CRK: variants seen among roughly 807,000 people sequenced by gnomAD.
The protein encoded by CRK is adapter molecule crk.
Under a neutral mutation model 29.8 loss-of-function variants are expected in CRK, and 4 were observed. That is an observed-to-expected ratio of 0.13 (90% CI 0.07 to 0.31). The LOEUF (loss-of-function observed/expected upper bound fraction) is 0.31, where lower values mean the gene tolerates loss of function less well. Among genes scored for constraint, CRK ranks in the 10% least tolerant of loss-of-function variants. CRK has a pLI of 1.00. For missense variants in CRK, 274 were observed against 396.5 expected, an observed-to-expected ratio of 0.69 and a Z score of 2.62; for synonymous variants, 153 against 164.9, an observed-to-expected ratio of 0.93 and a Z score of 0.55.
intron 1 of CRK, among the ~76,000 whole-genome samples, chr17:1,445,233 G>T (rs1240391424): frequency 6.6e-6 from 1 of 152,116 alleles, no homozygotes; most frequent in African/African-American, 2.4e-5. Context: ...CCTTCCGGTA[G>T]AAAGAGTACT....
chr17:1,440,475 AAAAT>A (rs1480953141), intron 1 of CRK, among the ~76,000 whole-genome samples: 3 of 151,980 alleles, frequency 2.0e-5, no homozygotes, highest in African/African-American at 7.2e-5. Context: ...AAAAAAAGAA[AAAAT>A]AAATGTTTGA....
At chr17:1,455,779 A>G in intron 1 of CRK, 98 bp downstream of exon 1, 1 of 1,368,048 alleles carries the variant, frequency 7.3e-7, no homozygotes, top group Non-Finnish European at 9.4e-7. Context: ...CCCTCTGCCC[A>G]CGACCCCCGA....
rs759362472 is a variant in CRK at position 1,436,719 on chromosome 17, G to T, written c.678C>A (p.Val226=). The T allele has an allele frequency of 6.2e-7, 1 of 1,608,750 alleles. No individual in the cohort carries two copies. ...TCTGGAGGTTAGGGAGCGGAGTGTTGACGCTGGGTTGGGCATAGGGCCCAG... is the reference window on the plus strand; with the variant it reads ...TCTGGAGGTTAGGGAGCGGAGTGTTTACGCTGGGTTGGGCATAGGGCCCAG... ...PEPGPYAQPS[V]NTPLPNLQNG... is the part of the protein sequence containing the mutation. Residue 226 remains valine (V), a synonymous_variant, in exon 2 of 3, where the codon GTC becomes GTA. Transcript: ENST00000300574.
At chr17:1,453,454 C>T (rs1466131421) in intron 1 of CRK, among the ~76,000 whole-genome samples, 1 of 152,062 alleles carries the variant, frequency 6.6e-6, no homozygotes, top group Non-Finnish European at 1.5e-5. Flanking sequence ...AATGCAAAAC[C>T]CCAGATACTA....
chr17:1,445,538 G>A (rs549010628), intron 1 of CRK, among the ~76,000 whole-genome samples: 4 of 152,318 alleles, frequency 2.6e-5, no homozygotes, highest in African/African-American at 7.2e-5. Flanking sequence ...AGCAGAGCAC[G>A]GAGGTGCTAT....
intron 2 of CRK, among the ~76,000 whole-genome samples, chr17:1,428,724 A>G (rs575426428): frequency 2.7e-4 from 41 of 150,640 alleles, no homozygotes; most frequent in Non-Finnish European, 4.1e-4. Context: ...GGGTTTCACC[A>G]TATTGGCCAG....
At chr17:1,455,070 A>C (rs2074045606) in intron 1 of CRK, among the ~76,000 whole-genome samples, 1 of 152,190 alleles carries the variant, frequency 6.6e-6, no homozygotes, top group Non-Finnish European at 1.5e-5. Context: ...ACTTACAGGG[A>C]AGGGTCTGTT....
At chr17:1,441,902 C>A (rs994187088) in intron 1 of CRK, among the ~76,000 whole-genome samples, 8 of 152,148 alleles carry the variant, frequency 5.3e-5, no homozygotes, top group Admixed American at 4.6e-4. Flanking sequence ...GTGGCCCAGG[C>A]TGGAGTGCAG....
intron 1 of CRK, among the ~76,000 whole-genome samples, chr17:1,452,797 GAAAAAAA>G (rs1301389169): frequency 1.0e-5 from 1 of 98,062 alleles, no homozygotes; most frequent in East Asian, 3.1e-4. Flanking sequence ...GTCTCAAAAA[GAAAAAAA>G]AAAAAAAAGA....
At chr17:1,456,232 T>TGGC (rs1245346613), upstream of CRK, 39 of 1,277,714 alleles carry the variant, frequency 3.1e-5, no homozygotes, top group Non-Finnish European at 2.0e-5. Flanking sequence ...GCGCCCGAAA[T>TGGC]GGCGGCGGCA....
At chr17:1,450,294 G>T (rs573510933) in intron 1 of CRK, among the ~76,000 whole-genome samples, 2 of 152,098 alleles carry the variant, frequency 1.3e-5, no homozygotes, top group Admixed American at 1.3e-4. Context: ...GGATCACGAG[G>T]TCAGGAGCTC....
At position 1,425,568 on chromosome 17, in the gene CRK, G is replaced by A. The variant is rs183707192; in HGVS notation, c.778-1918C>T. ...CGCCACCATGCCCAGCTAATTACAG[G>A]CATGAGCCTCCACACCATTTATGCA... On this transcript the variant is annotated intron_variant, in intron 2 of 2. Coordinates refer to ENST00000300574, the MANE Select transcript of CRK (RefSeq NM_016823.4). 3.9e-5 allele frequency among the ~76,000 whole-genome samples: 6 copies of A among 152,252 alleles called. No individual in the cohort carries two copies. The East Asian group carries it at 9.7e-4, about 24-fold the overall frequency.
intron 1 of CRK, among the ~76,000 whole-genome samples, chr17:1,455,316 A>G (rs1422593194): frequency 6.6e-6 from 1 of 152,154 alleles, no homozygotes; most frequent in Non-Finnish European, 1.5e-5. Flanking sequence ...AGAACGGTAC[A>G]AAGATTTTGG....
chr17:1,440,891 G>A (rs1248999831), intron 1 of CRK, among the ~76,000 whole-genome samples: 3 of 152,302 alleles, frequency 2.0e-5, no homozygotes, highest in Admixed American at 1.3e-4. Flanking sequence ...GCAAAAGAGA[G>A]AGACCTTGTC....
At chr17:1,425,296 G>A (rs1045864943) in intron 2 of CRK, among the ~76,000 whole-genome samples, 10 of 151,676 alleles carry the variant, frequency 6.6e-5, no homozygotes, top group African/African-American at 2.2e-4. Context: ...GTTTCACCAT[G>A]TTAGCCAAGA....
At chr17:1,451,725 A>G (rs1053208626) in intron 1 of CRK, among the ~76,000 whole-genome samples, 1 of 151,872 alleles carries the variant, frequency 6.6e-6, no homozygotes, top group Admixed American at 6.6e-5. Flanking sequence ...GGGGGAAAAA[A>G]AAACAAAAAA....
intron 1 of CRK, among the ~76,000 whole-genome samples, chr17:1,446,783 C>T (rs1314752082): frequency 1.3e-5 from 2 of 151,606 alleles, no homozygotes; most frequent in Admixed American, 6.6e-5. Context: ...CTAGTAGAGA[C>T]GGGGTTTCAC....
chr17:1,430,549 T>G (rs1301689568), intron 2 of CRK, among the ~76,000 whole-genome samples: 1 of 146,448 alleles, frequency 6.8e-6, no homozygotes, highest in African/African-American at 2.5e-5. Flanking sequence ...TTTTTTTTAG[T>G]AGAGATGGGA....
At chr17:1,431,186 T>C (rs1364380544) in intron 2 of CRK, among the ~76,000 whole-genome samples, 1 of 152,170 alleles carries the variant, frequency 6.6e-6, no homozygotes, top group East Asian at 1.9e-4. Context: ...TGATGATATT[T>C]AGAGACCAGG....
Sources: gnomAD v4.1 joint callset for allele counts (sites outside exome capture counted in the v4.1 genomes callset) on GRCh38, gnomAD v4.1.1 for gene constraint, MANE v1.5 for transcripts, NCBI Gene and HGNC (gene_info 2026-07-23, HGNC 2026-07-21) for gene names.